LURAP1L: variants seen among roughly 807,000 people sequenced by gnomAD.
The protein encoded by LURAP1L is leucine rich adaptor protein 1-like.
In LURAP1L, 12 loss-of-function variants were observed where a neutral mutation model predicts 13.8. The ratio of observed to expected loss-of-function variants is 0.87; its 90% CI spans 0.56 to 1.41. The LOEUF (loss-of-function observed/expected upper bound fraction) is 1.41, where lower values mean the gene tolerates loss of function less well. LURAP1L is among the 40% of genes most tolerant of loss of function. The pLI, the probability that LURAP1L is intolerant of heterozygous loss-of-function variation, is 0.00. For missense variants in LURAP1L, 375 were observed against 292.9 expected (o/e 1.28, Z -2.04); for synonymous variants, 139 against 119.2 (o/e 1.17, Z -1.08).
At chr9:12,779,329 CA>C (rs1239164386) in intron 1 of LURAP1L, among the ~76,000 whole-genome samples, 7 of 127,302 alleles carry the variant, frequency 5.5e-5, no homozygotes, top group African/African-American at 2.1e-4. Context: ...GGCTGGAATG[CA>C]GTGGAGCGAT....
chr9:12,777,829 T>A (rs2118452047), intron 1 of LURAP1L, among the ~76,000 whole-genome samples: 1 of 152,314 alleles, frequency 6.6e-6, no homozygotes, highest in East Asian at 1.9e-4. Context: ...TTTGTGAGAA[T>A]TTTTAAACTG....
intron 1 of LURAP1L, among the ~76,000 whole-genome samples, chr9:12,781,006 T>A (rs570620724): frequency 6.6e-6 from 1 of 152,162 alleles, no homozygotes. Flanking sequence ...AGTTTCGCTC[T>A]TGTTGCCCAG....
At chr9:12,818,288 T>C (rs1377537629) in intron 1 of LURAP1L, among the ~76,000 whole-genome samples, 1 of 152,024 alleles carries the variant, frequency 6.6e-6, no homozygotes, top group Non-Finnish European at 1.5e-5. Context: ...CAGAGAAAAA[T>C]TGCTGACAAA....
intron 1 of LURAP1L, among the ~76,000 whole-genome samples, chr9:12,818,496 C>T (rs1413680293): frequency 6.6e-6 from 1 of 152,164 alleles, no homozygotes; most frequent in African/African-American, 2.4e-5. Flanking sequence ...GACATGGCTT[C>T]TTTCTTTAAG....
chr9:12,822,546 G>A lies in LURAP1L; in HGVS notation c.*786G>A, dbSNP rs1049121350. 3.3e-5 allele frequency among the ~76,000 whole-genome samples: 5 copies of A among 152,192 alleles called. No individual in the cohort carries two copies. The highest frequency in any genetic ancestry group is 1.2e-4 in the African/African-American group (5 of 41,432). On this transcript the variant is annotated 3_prime_UTR_variant, in exon 2 of 2. Transcript: ENST00000319264. ...TTTGAGATTTTGTTGGCATTTACTT[G>A]TATGTATTTTGTGATTCTGATAGGA...
In LURAP1L at chr9:12,822,697, T is replaced by C. The variant is rs1819898039; in HGVS notation, c.*937T>C. Among the ~76,000 whole-genome samples, 1 of 152,198 alleles carries C rather than the reference T, an allele frequency of 6.6e-6. No individual in the cohort carries two copies. The highest frequency in any genetic ancestry group is 2.4e-5 in the African/African-American group (1 of 41,472). On this transcript the variant is annotated 3_prime_UTR_variant, in exon 2 of 2. Transcript: ENST00000319264. Reference sequence around the variant, plus strand: ...ATTGTTATTCATTTAAGAAGTCTAATATGATATACATTCATCCTAGTATAA... The same window carrying C: ...ATTGTTATTCATTTAAGAAGTCTAACATGATATACATTCATCCTAGTATAA...
intron 1 of LURAP1L, among the ~76,000 whole-genome samples, chr9:12,818,081 T>C (rs940671137): frequency 1.3e-5 from 2 of 151,340 alleles, no homozygotes; most frequent in African/African-American, 4.9e-5. Context: ...GCTTGTGTCG[T>C]TTTTTTCCCC....
At chr9:12,781,743 T>C (rs114113988) in intron 1 of LURAP1L, among the ~76,000 whole-genome samples, 51 of 152,310 alleles carry the variant, frequency 3.3e-4, no homozygotes, top group African/African-American at 1.2e-3. Context: ...CTATTTGATA[T>C]ATTGATTTCC....
At chr9:12,793,873 A>G (rs1034073705) in intron 1 of LURAP1L, among the ~76,000 whole-genome samples, 4 of 152,104 alleles carry the variant, frequency 2.6e-5, no homozygotes, top group Admixed American at 2.6e-4. Flanking sequence ...AAATAAAATG[A>G]GCTCAAAATA....
At chr9:12,796,699 T>A (rs4391527) in intron 1 of LURAP1L, among the ~76,000 whole-genome samples, 20,455 of 151,774 alleles carry the variant, frequency 0.13, 1,699 homozygotes, top group East Asian at 0.3. Flanking sequence ...TAGTTTTTTT[T>A]AAAAAAGAGT....
intron 1 of LURAP1L, among the ~76,000 whole-genome samples, chr9:12,809,168 C>T (rs1227869275): frequency 6.6e-6 from 1 of 152,134 alleles, no homozygotes; most frequent in Non-Finnish European, 1.5e-5. Flanking sequence ...ATGCATCTGC[C>T]CCCATGACCG....
At chr9:12,812,279 C>A (rs1232747679) in intron 1 of LURAP1L, among the ~76,000 whole-genome samples, 1 of 152,140 alleles carries the variant, frequency 6.6e-6, no homozygotes. Context: ...CAATTGGTAA[C>A]AACTGGGAAC....
chr9:12,805,904 A>T lies in LURAP1L; in HGVS notation c.313-15482A>T, dbSNP rs542209485. 1.4e-3 allele frequency among the ~76,000 whole-genome samples: 220 copies of T among 152,334 alleles called. 1 individual carries two copies. The highest frequency in any genetic ancestry group is 5.1e-3 in the African/African-American group (213 of 41,578). Reference sequence around the variant, plus strand: ...TAATCCTAGACAATAAGTTAAACAAATGTGGAACTTCCTGGCCAAGATCAG... The same window carrying T: ...TAATCCTAGACAATAAGTTAAACAATTGTGGAACTTCCTGGCCAAGATCAG... On this transcript the variant is annotated intron_variant, in intron 1 of 1. Coordinates refer to ENST00000319264, the MANE Select transcript of LURAP1L (RefSeq NM_203403.2).
At chr9:12,810,161 C>T (rs1303479065) in intron 1 of LURAP1L, among the ~76,000 whole-genome samples, 6 of 152,126 alleles carry the variant, frequency 3.9e-5, no homozygotes, top group African/African-American at 1.4e-4. Flanking sequence ...CTGCCAGAAG[C>T]ACAGGGGATA....
At chr9:12,792,444 G>T (rs1819453076) in intron 1 of LURAP1L, among the ~76,000 whole-genome samples, 1 of 152,078 alleles carries the variant, frequency 6.6e-6, no homozygotes, top group Admixed American at 6.6e-5. Context: ...TCTCTCCTCA[G>T]TCCTGAAGTT....
At chr9:12,820,564 G>C (rs899351151) in intron 1 of LURAP1L, among the ~76,000 whole-genome samples, 1 of 128,676 alleles carries the variant, frequency 7.8e-6, no homozygotes, top group Admixed American at 1.1e-4. Context: ...GGAATTCTCA[G>C]ACCTTCCCAA....
At chr9:12,801,203 G>T (rs1021157525) in intron 1 of LURAP1L, among the ~76,000 whole-genome samples, 1 of 151,950 alleles carries the variant, frequency 6.6e-6, no homozygotes, top group African/African-American at 2.4e-5. Flanking sequence ...ATTTCACATG[G>T]CACCATTCAT....
intron 1 of LURAP1L, among the ~76,000 whole-genome samples, chr9:12,801,200 A>G (rs1009304266): frequency 6.6e-6 from 1 of 152,102 alleles, no homozygotes; most frequent in African/African-American, 2.4e-5. Context: ...GCAATTTCAC[A>G]TGGCACCATT....
Position 12,822,292 on chromosome 9 carries a change from C to T in LURAP1L, c.*532C>T, listed in dbSNP as rs746021866. On this transcript the variant is annotated 3_prime_UTR_variant, in exon 2 of 2. Coordinates refer to ENST00000319264, the MANE Select transcript of LURAP1L (RefSeq NM_203403.2). ...GTGTATAATCAACCATACTGTTAGT[C>T]ACACACGCCCACATGACAATCATCT... Among the ~76,000 whole-genome samples the T allele has an allele frequency of 3.3e-5, 5 of 152,146 alleles. No homozygotes were observed. The South Asian group carries it at 8.3e-4, about 25-fold the overall frequency.
Sources: allele counts gnomAD v4.1 joint callset (sites outside exome capture counted in the v4.1 genomes callset), GRCh38; gene constraint gnomAD v4.1.1; transcripts MANE v1.5; gene names NCBI Gene and HGNC (gene_info 2026-07-23, HGNC 2026-07-21).